Variants in SCOC observed in about 807,000 individuals in gnomAD.
SCOC encodes the protein short coiled coil protein.
A neutral mutation model predicts 9.9 loss-of-function variants in SCOC; 7 were observed. That is an observed-to-expected ratio of 0.71 (90% confidence interval 0.40 to 1.33). SCOC has a LOEUF of 1.33. Among genes scored for constraint, SCOC ranks in the 40% most tolerant of loss-of-function variants. SCOC has a pLI of 0.01. For synonymous variants in SCOC, 19 were observed against 28.2 expected, an observed-to-expected ratio of 0.67 and a Z score of 1.03; for missense variants, 66 against 89.7, an observed-to-expected ratio of 0.74 and a Z score of 1.07.
At chr4:140,272,267 G>A (rs1730863662) in intron 1 of SCOC, among the ~76,000 whole-genome samples, 1 of 151,168 alleles carries the variant, frequency 6.6e-6, no homozygotes, top group Non-Finnish European at 1.5e-5. Context: ...GTTGCCTAGG[G>A]TGGTCCCAAA....
intron 1 of SCOC, among the ~76,000 whole-genome samples, chr4:140,279,810 C>G (rs543784678): frequency 9.2e-5 from 14 of 152,278 alleles, no homozygotes; most frequent in African/African-American, 3.4e-4. Context: ...ATTTTTCTCT[C>G]TCCCAGGCCA....
At chr4:140,306,948 T>C (rs1732008220) in intron 1 of SCOC, among the ~76,000 whole-genome samples, 1 of 152,220 alleles carries the variant, frequency 6.6e-6, no homozygotes, top group Admixed American at 6.5e-5. Context: ...GTGGTCTGAA[T>C]GTCTGTGTCC....
intron 1 of SCOC, among the ~76,000 whole-genome samples, chr4:140,267,130 A>C (rs1240253765): frequency 6.6e-6 from 1 of 152,228 alleles, no homozygotes; most frequent in Non-Finnish European, 1.5e-5. Context: ...GCTGGAGTTC[A>C]GCTTACAGAA....
rs1732972929 is a variant in SCOC, at chr4:140,336,908, T to G, written c.-18-6713T>G. Among the ~76,000 whole-genome samples the G allele has an allele frequency of 3.9e-5, 6 of 152,328 alleles. No individual in the cohort carries two copies. In the South Asian group the frequency reaches 1.2e-3, roughly 32 times the overall value. ...AATGCTTAATTCCCATTTTGTTTTG[T>G]TTTCATTTTAAATTAAAGCCATCCT... On this transcript the variant is annotated intron_variant, in intron 1 of 4. Transcript: ENST00000394205.
At chr4:140,374,589 G>C (rs1003141017) in intron 1 of SCOC, among the ~76,000 whole-genome samples, 5 of 152,228 alleles carry the variant, frequency 3.3e-5, no homozygotes, top group Non-Finnish European at 7.3e-5. Flanking sequence ...AGCAGAACTT[G>C]AACAGATCTG....
At chr4:140,338,269 C>G (rs1733016690) in intron 1 of SCOC, among the ~76,000 whole-genome samples, 1 of 152,122 alleles carries the variant, frequency 6.6e-6, no homozygotes, top group South Asian at 2.1e-4. Flanking sequence ...TAAAAACTCT[C>G]AATAAATTAG....
chr4:140,293,543 T>G (rs1239126151), intron 1 of SCOC: 8 of 377,246 alleles, frequency 2.1e-5, no homozygotes, highest in Non-Finnish European at 4.2e-5. Context: ...AGGATTGCAA[T>G]GGACCACAGT....
chr4:140,326,976 C>T (rs1732668218), intron 1 of SCOC, among the ~76,000 whole-genome samples: 1 of 152,128 alleles, frequency 6.6e-6, no homozygotes, highest in Non-Finnish European at 1.5e-5. Flanking sequence ...ATTCTCTCTT[C>T]TAATGATTAC....
At chr4:140,297,792 A>C (rs756116538) in intron 1 of SCOC, among the ~76,000 whole-genome samples, 6 of 152,118 alleles carry the variant, frequency 3.9e-5, no homozygotes, top group Non-Finnish European at 7.4e-5. Flanking sequence ...CAGTGGGGGG[A>C]GGGAGGCTCT....
At chr4:140,310,753 C>T (rs545885340) in intron 1 of SCOC, among the ~76,000 whole-genome samples, 8 of 152,288 alleles carry the variant, frequency 5.3e-5, no homozygotes, top group African/African-American at 1.7e-4. Context: ...CTCTGCTCTT[C>T]CTGTCCCTTC....
chr4:140,326,774 T>C (rs755629907), intron 1 of SCOC, among the ~76,000 whole-genome samples: 1 of 152,190 alleles, frequency 6.6e-6, no homozygotes, highest in Non-Finnish European at 1.5e-5. Flanking sequence ...ACAATTCTTA[T>C]ACACCTAGGA....
chr4:140,344,443 G>C (rs1355737840), intron 2 of SCOC, among the ~76,000 whole-genome samples: 1 of 152,116 alleles, frequency 6.6e-6, no homozygotes, highest in Non-Finnish European at 1.5e-5. Flanking sequence ...GATTAACAGA[G>C]AGCAAGAGCA....
chr4:140,281,333 C>A (rs1007568922), intron 1 of SCOC, among the ~76,000 whole-genome samples: 2 of 151,802 alleles, frequency 1.3e-5, no homozygotes, highest in African/African-American at 2.4e-5. Flanking sequence ...AGGGACACAT[C>A]AGGTGTGCAG....
intron 1 of SCOC, among the ~76,000 whole-genome samples, chr4:140,331,997 A>C (rs1048971906): frequency 8.0e-6 from 1 of 125,162 alleles, no homozygotes; most frequent in Admixed American, 8.2e-5. Flanking sequence ...GGCATCTTAC[A>C]TGGCAGGAGC....
At chr4:140,378,253 A>G (rs532196861) in intron 1 of SCOC, among the ~76,000 whole-genome samples, 2 of 152,282 alleles carry the variant, frequency 1.3e-5, no homozygotes, top group South Asian at 4.1e-4. Context: ...AAAAAATTAA[A>G]CAGTATATGT....
At chr4:140,376,846 G>A (rs1213562998) in intron 1 of SCOC, 1 of 152,118 alleles carries the variant, frequency 6.6e-6, no homozygotes, top group Admixed American at 6.5e-5. Flanking sequence ...TGAAACATAA[G>A]CAAAAGAAGA....
intron 1 of SCOC, among the ~76,000 whole-genome samples, chr4:140,285,937 C>T (rs1378849150): frequency 6.6e-6 from 1 of 152,106 alleles, no homozygotes; most frequent in East Asian, 1.9e-4. Context: ...GTAATCCTAG[C>T]ACTTTGGGTG....
upstream of SCOC, chr4:140,373,550 T>C (rs1366199505): frequency 1.3e-6 from 2 of 1,551,688 alleles, no homozygotes; most frequent in East Asian, 2.4e-5. Context: ...CGCAGGCGTG[T>C]ATTCTCGAGT....
chr4:140,274,320 T>C (rs1730928148), intron 1 of SCOC, among the ~76,000 whole-genome samples: 1 of 152,222 alleles, frequency 6.6e-6, no homozygotes, highest in African/African-American at 2.4e-5. Flanking sequence ...TTACTTTTGT[T>C]TGTTTTAGTT....
Sources: allele counts gnomAD v4.1 joint callset (sites outside exome capture counted in the v4.1 genomes callset), GRCh38; gene constraint gnomAD v4.1.1; transcripts MANE v1.5; gene names NCBI Gene and HGNC (gene_info 2026-07-23, HGNC 2026-07-21).